KCNA1: variants seen among roughly 807,000 people sequenced by gnomAD.
KCNA1 encodes the protein potassium voltage-gated channel subfamily A member 1, also known as potassium channel, voltage gated shaker related subfamily A, member 1.
In KCNA1, 19 loss-of-function variants were observed where a neutral mutation model predicts 28.8. The observed-to-expected ratio is 0.66, with a 90% confidence interval of 0.46 to 0.97. KCNA1 has a LOEUF of 0.97. Ranked by LOEUF, KCNA1 falls within the 50% of genes least tolerant of loss-of-function variation. The probability of loss-of-function intolerance (pLI) is 0.00; values close to 1 mark genes in which losing one functional copy is unlikely to be tolerated. For synonymous variants in KCNA1, 311 were observed against 268.8 expected, an observed-to-expected ratio of 1.16 and a Z score of -1.53; for missense variants, 419 against 659.7, an observed-to-expected ratio of 0.64 and a Z score of 4.00.
chr12:4,911,300 TC>T lies in KCNA1; in HGVS notation c.-72del, dbSNP rs1300240914. 40 of 1,138,712 alleles carry T rather than the reference TC, an allele frequency of 3.5e-5. No individual in the cohort carries two copies. Among genetic ancestry groups the T allele is most frequent in the Non-Finnish European group, 3.8e-5 (30 of 787,120 alleles). 70.5% of individuals were successfully genotyped at this position (1,138,712 alleles called of 1,614,324 possible). The stretch of plus-strand genomic sequence containing the variant: ...CGCTCCGGTGGGGGGGCCGCTTGGG[TC>T]CCCCCCACCCCTGGTCCCTGGCTGC... On this transcript the variant is annotated 5_prime_UTR_variant, in exon 2 of 2. Coordinates refer to ENST00000382545, the MANE Select transcript of KCNA1 (RefSeq NM_000217.3). The surrounding 1 kb of genome is among the most constrained non-coding windows in gnomAD (Gnocchi z 6.6).
In KCNA1 at chr12:4,914,115, A is replaced by C. The variant is rs1216982094; in HGVS notation, c.*1249A>C. On this transcript the variant is annotated 3_prime_UTR_variant, in exon 2 of 2. Transcript: ENST00000382545. The stretch of plus-strand genomic sequence containing the variant: ...AATTATGGGGGGTGGGGGTGGGGGC[A>C]CTCAGTCAATTTTCCTGCCTTTGCT... 1.2e-5 allele frequency: 2 copies of C among 166,396 alleles called. No homozygotes were observed. The highest frequency in any genetic ancestry group is 2.9e-5 in the Non-Finnish European group (2 of 68,062). The allele number at this position is 166,396 out of a possible 1,614,324, so 10.3% of individuals were successfully genotyped here. A position where few individuals can be genotyped will look rare whatever the true frequency, so the allele number is the denominator to read the frequency against.
rs1437451353 is a variant in KCNA1 at position 4,910,344 on chromosome 12, G to C, written c.-668G>C. 1 of 152,256 alleles carries C rather than the reference G, an allele frequency of 6.6e-6. No individual in the cohort carries two copies. Among genetic ancestry groups the C allele is most frequent in the South Asian group, 2.1e-4 (1 of 4,818 alleles). 9.4% of individuals were successfully genotyped at this position (152,256 alleles called of 1,614,324 possible). A position where few individuals can be genotyped will look rare whatever the true frequency, so the allele number is the denominator to read the frequency against. On this transcript the variant is annotated 5_prime_UTR_variant, in exon 1 of 2. Transcript: ENST00000382545. This position sits in a 1 kb window ranked among gnomAD's most constrained non-coding sequence, Gnocchi z 4.9. ...GTGGACCAGGGCGGCGAGTTTGCCCGGCGCGTCTCGGATGCTGCTGCGGCG... is the reference window on the plus strand; with the variant it reads ...GTGGACCAGGGCGGCGAGTTTGCCCCGCGCGTCTCGGATGCTGCTGCGGCG...
chr12:4,912,641 G>A lies in KCNA1; in HGVS notation c.1263G>A (p.Gly421=). The change falls in exon 2 of 2, where the codon GGG becomes GGA. Residue 421 remains glycine, a synonymous_variant. Coordinates refer to ENST00000382545, the MANE Select transcript of KCNA1 (RefSeq NM_000217.3). ...FNYFYHRETE[G]EEQAQLLHVS... ...ATTTCTACCACCGAGAAACTGAGGG[G>A]GAAGAGCAGGCTCAGTTGCTCCACG... 1 of 1,613,132 alleles carries A rather than the reference G, an allele frequency of 6.2e-7. No individual in the cohort carries two copies. The highest frequency in any genetic ancestry group is 8.5e-7 in the Non-Finnish European group (1 of 1,179,942).
chr12:4,914,309 GCAAA>G lies in KCNA1; in HGVS notation c.*1460_*1463del, dbSNP rs138257860. The G allele has an allele frequency of 1.2e-3, 205 of 167,030 alleles. 3 individuals carry two copies. The South Asian group carries it at 0.017, about 14-fold the overall frequency. The allele number at this position is 167,030 out of a possible 1,614,324, so 10.3% of individuals were successfully genotyped here. A position where few individuals can be genotyped will look rare whatever the true frequency, so the allele number is the denominator to read the frequency against. ...AGACAAACACAAGCAACACAAACAAGCAAACAAACAAACAAACAAAAAGGTGCAA... is the reference window on the plus strand; with the variant it reads ...AGACAAACACAAGCAACACAAACAAGCAAACAAACAAACAAAAAGGTGCAA... On this transcript the variant is annotated 3_prime_UTR_variant, in exon 2 of 2. Coordinates refer to ENST00000382545, the MANE Select transcript of KCNA1 (RefSeq NM_000217.3).
In KCNA1 at chr12:4,913,762, C is replaced by T. The variant is rs973557408; in HGVS notation, c.*896C>T. ...AATCTGATACAATTTATTTTATAAT[C>T]GCATGCTGAGAAGTTAACCCAGACA... On this transcript the variant is annotated 3_prime_UTR_variant, in exon 2 of 2. Transcript: ENST00000382545. 2 of 166,794 alleles carry T rather than the reference C, an allele frequency of 1.2e-5. No individual in the cohort carries two copies. Among genetic ancestry groups the T allele is most frequent in the East Asian group, 1.9e-4 (1 of 5,204 alleles). 10.3% of individuals were successfully genotyped at this position (166,794 alleles called of 1,614,324 possible).
At position 4,911,307 on chromosome 12, in the gene KCNA1, C is replaced by T. The variant is rs573191253; in HGVS notation, c.-72C>T. ...GTGGGGGGGCCGCTTGGGTCCCCCC[C>T]ACCCCTGGTCCCTGGCTGCTTCCCA... On this transcript the variant is annotated 5_prime_UTR_variant, in exon 2 of 2. Coordinates refer to ENST00000382545, the MANE Select transcript of KCNA1 (RefSeq NM_000217.3). This position sits in a 1 kb window ranked among gnomAD's most constrained non-coding sequence, Gnocchi z 6.6. 7 of 1,311,922 alleles carry T rather than the reference C, an allele frequency of 5.3e-6. No individual in the cohort carries two copies. The highest frequency in any genetic ancestry group is 1.9e-5 in the Admixed American group (1 of 52,686). The allele number at this position is 1,311,922 out of a possible 1,614,324, so 81.3% of individuals were successfully genotyped here.
chr12:4,911,635 G>C lies in KCNA1; in HGVS notation c.257G>C (p.Arg86Pro). 1.9e-6 allele frequency: 3 copies of C among 1,614,158 alleles called. No homozygotes were observed. Among genetic ancestry groups the C allele is most frequent in the Non-Finnish European group, 2.5e-6 (3 of 1,180,030 alleles). Residue 86 changes from arginine (R) to proline (P), a missense_variant, in exon 2 of 2, where the codon CGG becomes CCG. Around this residue, in one of 4 missense-constraint regions of KCNA1, gnomAD observed 217 missense variants for 329.6 expected, o/e 0.66. Coordinates refer to ENST00000382545, the MANE Select transcript of KCNA1 (RefSeq NM_000217.3). This position sits in a 1 kb window ranked among gnomAD's most constrained non-coding sequence, Gnocchi z 6.6. The stretch of plus-strand genomic sequence containing the variant: ...AACGAGTACTTCTTCGACCGCAACC[G>C]GCCCAGCTTCGACGCCATCCTCTAC... ...LRNEYFFDRN[R>P]PSFDAILYYY... is the part of the protein sequence containing the mutation.
In KCNA1 at chr12:4,915,577, C is replaced by T. The variant is rs761122980; in HGVS notation, c.*2711C>T. On this transcript the variant is annotated 3_prime_UTR_variant, in exon 2 of 2. Coordinates refer to ENST00000382545, the MANE Select transcript of KCNA1 (RefSeq NM_000217.3). ...GCATCCGACTACAGGGCATTAAACC[C>T]TCCCATGTGATGTCTCCTTCTCGTC... The T allele has an allele frequency of 6.0e-6, 1 of 167,128 alleles. No individual in the cohort carries two copies. The highest frequency in any genetic ancestry group is 1.5e-5 in the Non-Finnish European group (1 of 68,132). 10.4% of individuals were successfully genotyped at this position (167,128 alleles called of 1,614,324 possible).
chr12:4,910,900 G>A lies in KCNA1; in HGVS notation c.-479G>A. On this transcript the variant is annotated 5_prime_UTR_variant, in exon 2 of 2. Coordinates refer to ENST00000382545, the MANE Select transcript of KCNA1 (RefSeq NM_000217.3). The surrounding 1 kb of genome is among the most constrained non-coding windows in gnomAD (Gnocchi z 4.9). ...GGCAGGCGAAGAGGGGTAGGAGGGG[G>A]GAGAGCCGAGGAGAAGCAGAGAGGG... is the stretch of plus-strand genomic sequence containing the variant. The A allele has an allele frequency of 5.3e-6, 1 of 188,888 alleles. No individual in the cohort carries two copies. The highest frequency in any genetic ancestry group is 1.1e-5 in the Non-Finnish European group (1 of 91,132). 11.7% of individuals were successfully genotyped at this position (188,888 alleles called of 1,614,324 possible).
chr12:4,913,474 T>C lies in KCNA1; in HGVS notation c.*608T>C, dbSNP rs1400219075. The C allele has an allele frequency of 5.9e-6, 1 of 169,704 alleles. No individual in the cohort carries two copies. The highest frequency in any genetic ancestry group is 6.4e-5 in the Admixed American group (1 of 15,684). 10.5% of individuals were successfully genotyped at this position (169,704 alleles called of 1,614,324 possible). On this transcript the variant is annotated 3_prime_UTR_variant, in exon 2 of 2. Coordinates refer to ENST00000382545, the MANE Select transcript of KCNA1 (RefSeq NM_000217.3). ...ACTGGTTCACAAAGCACCTTATAAA[T>C]TGGATACTGGTCCTGATCTGTAGGG...
At position 4,910,246 on chromosome 12, in the gene KCNA1, G is replaced by C. The variant is rs746125910; in HGVS notation, c.-766G>C. 6 of 152,260 alleles carry C rather than the reference G, an allele frequency of 3.9e-5. No homozygotes were observed. Among genetic ancestry groups the C allele is most frequent in the Admixed American group, 6.5e-5 (1 of 15,286 alleles). 9.4% of individuals were successfully genotyped at this position (152,260 alleles called of 1,614,324 possible). On this transcript the variant is annotated 5_prime_UTR_variant, in exon 1 of 2. Coordinates refer to ENST00000382545, the MANE Select transcript of KCNA1 (RefSeq NM_000217.3). The surrounding 1 kb of genome is among the most constrained non-coding windows in gnomAD (Gnocchi z 4.9). ...AGGTTGCTGGCAACCGGTGAGAATG[G>C]GGGTAGGGAAGGAACATTTTCGCCG...
In KCNA1 at chr12:4,911,921, C is replaced by G. The variant is rs1947354431; in HGVS notation, c.543C>G (p.Ile181Met). 1 of 1,613,932 alleles carries G rather than the reference C, an allele frequency of 6.2e-7. No homozygotes were observed. Among genetic ancestry groups the G allele is most frequent in the Admixed American group, 1.7e-5 (1 of 59,998 alleles). ...CCGTCATGGTCATCCTCATCTCCAT[C>G]GTCATCTTTTGCCTGGAGACGCTCC... The part of the protein sequence containing the change: ...IVSVMVILIS[I>M]VIFCLETLPE... Residue 181 changes from isoleucine (I) to methionine (M), a missense_variant, in exon 2 of 2, where the codon ATC becomes ATG. Physicochemically the swap from Ile to Met is conservative, Grantham distance 10 (BLOSUM62 1). This residue lies in a region of KCNA1 where 217 missense variants were observed against 329.6 expected (regional missense o/e 0.66). Transcript: ENST00000382545. The surrounding 1 kb of genome is among the most constrained non-coding windows in gnomAD (Gnocchi z 6.6).
In KCNA1 at chr12:4,915,898, A is replaced by T. The variant is rs1390189415; in HGVS notation, c.*3032A>T. ...TTGATTCTTCTGCATGTGATATAGA[A>T]AAAAGTGCTGCATGCGGTGAACCTG... is the stretch of plus-strand genomic sequence containing the variant. On this transcript the variant is annotated 3_prime_UTR_variant, in exon 2 of 2. Transcript: ENST00000382545. The T allele has an allele frequency of 6.0e-6, 1 of 167,158 alleles. No homozygotes were observed. Among genetic ancestry groups the T allele is most frequent in the East Asian group, 1.9e-4 (1 of 5,198 alleles). 10.4% of individuals were successfully genotyped at this position (167,158 alleles called of 1,614,324 possible).
In KCNA1 at chr12:4,910,400, AG is replaced by A. The variant is rs957004357; in HGVS notation, c.-611del. The A allele has an allele frequency of 2.0e-5, 3 of 152,104 alleles. No homozygotes were observed. Among genetic ancestry groups the A allele is most frequent in the Non-Finnish European group, 2.9e-5 (2 of 68,060 alleles). The allele number at this position is 152,104 out of a possible 1,614,324, so 9.4% of individuals were successfully genotyped here. On this transcript the variant is annotated 5_prime_UTR_variant, in exon 1 of 2. It introduces an in-frame stop codon into an upstream open reading frame of the 5' UTR. Transcript: ENST00000382545. The surrounding 1 kb of genome is among the most constrained non-coding windows in gnomAD (Gnocchi z 4.9). ...CGCGGCTCCCGCCAGGGCACTGCAAAGACGACCTGCCGCATTCCCACTCGGG... is the reference window on the plus strand; with the variant it reads ...CGCGGCTCCCGCCAGGGCACTGCAAAACGACCTGCCGCATTCCCACTCGGG...
At position 4,917,391 on chromosome 12, in the gene KCNA1, C is replaced by T. The variant is rs1202884868; in HGVS notation, c.*4525C>T. ...CCTTTAAAGAATGTATGTTACTTAC[C>T]ATTTTTGTAAAGAAGCAAACAGGAG... is the stretch of plus-strand genomic sequence containing the variant. On this transcript the variant is annotated 3_prime_UTR_variant, in exon 2 of 2. Coordinates refer to ENST00000382545, the MANE Select transcript of KCNA1 (RefSeq NM_000217.3). The T allele has an allele frequency of 1.2e-5, 2 of 167,132 alleles. No individual in the cohort carries two copies. Among genetic ancestry groups the T allele is most frequent in the East Asian group, 1.9e-4 (1 of 5,186 alleles). The allele number at this position is 167,132 out of a possible 1,614,324, so 10.4% of individuals were successfully genotyped here.
chr12:4,911,225 C>T lies in KCNA1; in HGVS notation c.-154C>T, dbSNP rs2137672263. 1.6e-6 allele frequency: 1 copy of T among 625,722 alleles called. No individual in the cohort carries two copies. The allele number at this position is 625,722 out of a possible 1,614,324, so 38.8% of individuals were successfully genotyped here. ...CAGCGAGAGGCAAAGTCGCAGATCT[C>T]CCGACCTGCTCGTGTTGAAGCACCT... On this transcript the variant is annotated 5_prime_UTR_variant, in exon 2 of 2. Coordinates refer to ENST00000382545, the MANE Select transcript of KCNA1 (RefSeq NM_000217.3). This position sits in a 1 kb window ranked among gnomAD's most constrained non-coding sequence, Gnocchi z 6.6.
In KCNA1 at chr12:4,916,735, C is replaced by T. The variant is rs956653248; in HGVS notation, c.*3869C>T. The T allele has an allele frequency of 4.2e-5, 7 of 166,928 alleles. No individual in the cohort carries two copies. Among genetic ancestry groups the T allele is most frequent in the Non-Finnish European group, 5.9e-5 (4 of 68,104 alleles). The allele number at this position is 166,928 out of a possible 1,614,324, so 10.3% of individuals were successfully genotyped here. A position where few individuals can be genotyped will look rare whatever the true frequency, so the allele number is the denominator to read the frequency against. ...AGATTCCACTATGGTGGACGTGAAG[C>T]ACAGGTGGTGTCACAATCTTGATTT... On this transcript the variant is annotated 3_prime_UTR_variant, in exon 2 of 2. Coordinates refer to ENST00000382545, the MANE Select transcript of KCNA1 (RefSeq NM_000217.3).
Position 4,912,767 on chromosome 12 carries a change from T to C in KCNA1, c.1389T>C (p.Asn463=). 1.9e-6 allele frequency: 3 copies of C among 1,614,040 alleles called. No homozygotes were observed. Among genetic ancestry groups the C allele is most frequent in the South Asian group, 2.2e-5 (2 of 91,070 alleles). The part of the protein sequence containing the change: ...EYMEIEEDMN[N]SIAHYRQVNI... Reference sequence around the variant, plus strand: ...TGGAGATCGAAGAGGATATGAATAATAGCATAGCCCATTATAGACAGGTCA... The same window carrying C: ...TGGAGATCGAAGAGGATATGAATAACAGCATAGCCCATTATAGACAGGTCA... The change falls in exon 2 of 2, where the codon AAT becomes AAC. Residue 463 remains asparagine, a synonymous_variant. Transcript: ENST00000382545.
rs947561515 is a variant in KCNA1 at position 4,910,384 on chromosome 12, C to G, written c.-628C>G. On this transcript the variant is annotated 5_prime_UTR_variant, in exon 1 of 2. Transcript: ENST00000382545. The surrounding 1 kb of genome is among the most constrained non-coding windows in gnomAD (Gnocchi z 4.9). ...CTGCTGCGGCGGCCGCCGCGGCTCC[C>G]GCCAGGGCACTGCAAAGACGACCTG... 19 of 152,222 alleles carry G rather than the reference C, an allele frequency of 1.2e-4. No homozygotes were observed. The highest frequency in any genetic ancestry group is 2.3e-4 in the Non-Finnish European group (16 of 68,096). The allele number at this position is 152,222 out of a possible 1,614,324, so 9.4% of individuals were successfully genotyped here.
Sources: gnomAD v4.1 joint callset for allele counts on GRCh38, gnomAD v4.1.1 for gene constraint, gnomAD v4.1.1 regional missense constraint, Gnocchi (gnomAD v3.1) non-coding constraint, MANE v1.5 for transcripts, NCBI Gene and HGNC (gene_info 2026-07-23, HGNC 2026-07-21) for gene names.